DLGAP1: variants seen among roughly 807,000 people sequenced by gnomAD.
The protein encoded by DLGAP1 is disks large-associated protein 1.
Under a neutral mutation model 90.8 loss-of-function variants are expected in DLGAP1, and 11 were observed. The observed-to-expected ratio is 0.12, with a 90% CI of 0.08 to 0.20. The LOEUF (loss-of-function observed/expected upper bound fraction) is 0.20. DLGAP1 is among the 10% of genes least tolerant of loss of function. The pLI is 1.00. For synonymous variants in DLGAP1, 558 were observed against 540.7 expected, an observed-to-expected ratio of 1.03 and a Z score of -0.44; for missense variants, 1,050 against 1,333.8, an observed-to-expected ratio of 0.79 and a Z score of 3.31.
chr18:4,256,296 A>T (rs1175306401), intron 1 of DLGAP1, among the ~76,000 whole-genome samples: 1 of 152,186 alleles, frequency 6.6e-6, no homozygotes, highest in Non-Finnish European at 1.5e-5. Context: ...GCTACTCAAG[A>T]GGCTTAGGTG....
At chr18:3,933,413 A>G (rs1308927917) in intron 3 of DLGAP1, among the ~76,000 whole-genome samples, 1 of 152,214 alleles carries the variant, frequency 6.6e-6, no homozygotes, top group Non-Finnish European at 1.5e-5. Context: ...TCAAGACCCC[A>G]TTTCTGCTAA....
At position 4,015,420 on chromosome 18, in the gene DLGAP1, G is replaced by A. The variant is rs570821879; in HGVS notation, c.-158-10219C>T. 4.6e-5 allele frequency among the ~76,000 whole-genome samples: 7 copies of A among 152,222 alleles called. No homozygotes were observed. The South Asian group carries it at 1.0e-3, about 23-fold the overall frequency. ...TGGGGTGAGGAAGCTGCTGGGCCAC[G>A]GGCTATGATTTTGGTATCCTTACTC... On this transcript the variant is annotated intron_variant, in intron 2 of 12. Coordinates refer to ENST00000315677, the MANE Select transcript of DLGAP1 (RefSeq NM_004746.4).
At chr18:4,017,725 A>T (rs2074545580) in intron 2 of DLGAP1, among the ~76,000 whole-genome samples, 1 of 152,246 alleles carries the variant, frequency 6.6e-6, no homozygotes, top group Admixed American at 6.5e-5. Flanking sequence ...AGCGGAGACA[A>T]GAGGAAGTAG....
At chr18:4,178,961 TAAACC>T (rs1257849901) in intron 1 of DLGAP1, among the ~76,000 whole-genome samples, 1 of 152,154 alleles carries the variant, frequency 6.6e-6, no homozygotes, top group Admixed American at 6.6e-5. Context: ...TTATTTATAA[TAAACC>T]CACCCATTGC....
intron 5 of DLGAP1, among the ~76,000 whole-genome samples, chr18:3,757,942 C>T (rs1039734805): frequency 1.1e-4 from 17 of 151,962 alleles, no homozygotes; most frequent in African/African-American, 4.1e-4. Context: ...GGTGAAACCT[C>T]GTCTCTACTA....
At chr18:4,028,509 A>T (rs2074740986) in intron 2 of DLGAP1, among the ~76,000 whole-genome samples, 1 of 152,234 alleles carries the variant, frequency 6.6e-6, no homozygotes. Flanking sequence ...AAACTTGCTT[A>T]ATATGAACAG....
At chr18:3,575,443 A>G (rs8089204) in intron 8 of DLGAP1, among the ~76,000 whole-genome samples, 2,696 of 152,296 alleles carry the variant, frequency 0.018, 74 homozygotes, top group African/African-American at 0.062. Context: ...ATGTACCATC[A>G]GGAAGTAGAG....
chr18:4,142,511 A>C (rs2076511728), intron 2 of DLGAP1, among the ~76,000 whole-genome samples: 1 of 152,242 alleles, frequency 6.6e-6, no homozygotes, highest in Non-Finnish European at 1.5e-5. Flanking sequence ...ATAAACACGT[A>C]TTCCACAAAT....
chr18:4,439,370 A>G (rs2083475807), intron 1 of DLGAP1, among the ~76,000 whole-genome samples: 1 of 152,242 alleles, frequency 6.6e-6, no homozygotes, highest in African/African-American at 2.4e-5. Flanking sequence ...AGTTGTTATT[A>G]TAAGCAAGAA....
chr18:4,349,536 G>T (rs1198707166), intron 1 of DLGAP1, among the ~76,000 whole-genome samples: 1 of 151,806 alleles, frequency 6.6e-6, no homozygotes, highest in Non-Finnish European at 1.5e-5. Flanking sequence ...AAGGGTAAAG[G>T]TAAAAGAATA....
intron 2 of DLGAP1, among the ~76,000 whole-genome samples, chr18:4,082,722 T>C (rs995302629): frequency 8.0e-6 from 1 of 125,278 alleles, no homozygotes; most frequent in Non-Finnish European, 1.8e-5. Context: ...TTTTTGCAGA[T>C]AGGGAAACTG....
At chr18:4,323,120 A>G (rs1184147354) in intron 1 of DLGAP1, among the ~76,000 whole-genome samples, 2 of 152,172 alleles carry the variant, frequency 1.3e-5, no homozygotes, top group Non-Finnish European at 2.9e-5. Flanking sequence ...CTGATTAAAA[A>G]GCGAGCAAAG....
intron 7 of DLGAP1, among the ~76,000 whole-genome samples, chr18:3,649,380 C>T (rs1384315077): frequency 4.6e-5 from 7 of 152,210 alleles, no homozygotes; most frequent in African/African-American, 1.7e-4. Flanking sequence ...GAGTCGCTTC[C>T]CTCTAAGGAC....
rs1555668846 is a variant in DLGAP1, at chr18:3,527,410, C to CTG, written c.2479+6783_2479+6784insCA. Among the ~76,000 whole-genome samples, 259 of 100,692 alleles carry CTG rather than the reference C, an allele frequency of 2.6e-3. 22 individuals are homozygous for CTG. The highest frequency in any genetic ancestry group is 7.5e-3 in the African/African-American group (201 of 26,824). 66.1% of individuals were successfully genotyped at this position (100,692 alleles called of 152,430 possible). On this transcript the variant is annotated intron_variant, in intron 10 of 12. Transcript: ENST00000315677. ...GTGAGTAAACAGGTTATTTTCCAAACTTTTTTTTTTTTTTTTTTTTTTGCC... is the reference window on the plus strand; with the variant it reads ...GTGAGTAAACAGGTTATTTTCCAAACTGTTTTTTTTTTTTTTTTTTTTTTGCC...
chr18:3,674,009 AT>A (rs1258428180), intron 7 of DLGAP1, among the ~76,000 whole-genome samples: 1 of 151,508 alleles, frequency 6.6e-6, no homozygotes, highest in African/African-American at 2.4e-5. Flanking sequence ...CACCCAGCTA[AT>A]TTTTATACTT....
intron 1 of DLGAP1, among the ~76,000 whole-genome samples, chr18:4,371,087 A>G (rs1360238506): frequency 6.6e-6 from 1 of 152,212 alleles, no homozygotes; most frequent in Non-Finnish European, 1.5e-5. Flanking sequence ...AGTAGAGAAG[A>G]GCAGTTGTTG....
intron 1 of DLGAP1, among the ~76,000 whole-genome samples, chr18:4,448,018 G>T (rs1395819015): frequency 6.6e-6 from 1 of 152,142 alleles, no homozygotes; most frequent in African/African-American, 2.4e-5. Flanking sequence ...CTGGAGGAGA[G>T]AACCATCTTC....
chr18:3,990,197 G>A (rs1303368499), intron 3 of DLGAP1, among the ~76,000 whole-genome samples: 4 of 151,480 alleles, frequency 2.6e-5, no homozygotes, highest in South Asian at 2.1e-4. Context: ...TGTTTATTGC[G>A]GCACTATTCA....
chr18:4,151,850 C>A (rs1403308693), intron 1 of DLGAP1, among the ~76,000 whole-genome samples: 1 of 152,104 alleles, frequency 6.6e-6, no homozygotes, highest in Non-Finnish European at 1.5e-5. Flanking sequence ...AGGACAAATA[C>A]CTAATGCATG....
Sources: allele counts gnomAD v4.1 joint callset (sites outside exome capture counted in the v4.1 genomes callset), GRCh38; gene constraint gnomAD v4.1.1; transcripts MANE v1.5; gene names NCBI Gene and HGNC (gene_info 2026-07-23, HGNC 2026-07-21).